The following PLCH1 variants were observed in gnomAD, a reference collection of about 807,000 sequenced individuals.
PLCH1 encodes the protein 1-phosphatidylinositol 4,5-bisphosphate phosphodiesterase eta-1.
In PLCH1, 60 loss-of-function variants were observed where a neutral mutation model predicts 126.7. The observed-to-expected ratio is 0.47, with a 90% CI of 0.38 to 0.59. The LOEUF (loss-of-function observed/expected upper bound fraction) is 0.59, where lower values mean the gene tolerates loss of function less well. PLCH1 is among the 20% of genes least tolerant of loss of function. The pLI is 0.00. For synonymous variants in PLCH1, 719 were observed against 734.9 expected (o/e 0.98, Z 0.35); for missense variants, 1,723 against 2,040.0 (o/e 0.84, Z 2.99).
chr3:155,714,821 A>G (rs1747390846), intron 1 of PLCH1, among the ~76,000 whole-genome samples: 1 of 152,164 alleles, frequency 6.6e-6, no homozygotes, highest in Admixed American at 6.6e-5. Flanking sequence ...TTTTACATGT[A>G]TGTTCCCAAG....
At chr3:155,665,273 G>A (rs1742599721) in intron 2 of PLCH1, among the ~76,000 whole-genome samples, 1 of 152,144 alleles carries the variant, frequency 6.6e-6, no homozygotes, top group Non-Finnish European at 1.5e-5. Flanking sequence ...TAAGAAATGT[G>A]TATTAAGCCA....
intron 10 of PLCH1, among the ~76,000 whole-genome samples, chr3:155,532,234 G>T (rs887025021): frequency 6.6e-6 from 1 of 152,140 alleles, no homozygotes. Flanking sequence ...GTGAAGACTC[G>T]CATCGTGAAC....
At chr3:155,542,722 C>T (rs931770058) in intron 10 of PLCH1, among the ~76,000 whole-genome samples, 4 of 152,334 alleles carry the variant, frequency 2.6e-5, no homozygotes, top group African/African-American at 9.6e-5. Flanking sequence ...GCAGCATTTG[C>T]GGTTCACGAA....
chr3:155,543,660 G>A (rs1310601152), intron 10 of PLCH1, among the ~76,000 whole-genome samples: 1 of 152,080 alleles, frequency 6.6e-6, no homozygotes. Context: ...TACCCACAAA[G>A]GGAAGCCCAT....
intron 14 of PLCH1, among the ~76,000 whole-genome samples, chr3:155,499,092 C>T (rs73154231): frequency 0.15 from 23,449 of 152,124 alleles, 2,347 homozygotes; most frequent in African/African-American, 0.29. Context: ...TCTGCCTTTT[C>T]GGTTATAAGT....
chr3:155,686,492 G>A (rs1329250099), intron 2 of PLCH1, among the ~76,000 whole-genome samples: 2 of 152,162 alleles, frequency 1.3e-5, no homozygotes, highest in Non-Finnish European at 2.9e-5. Flanking sequence ...TGAGACCAAG[G>A]AATTTTTGAA....
chr3:155,647,777 T>A (rs191566654), intron 2 of PLCH1, among the ~76,000 whole-genome samples: 1 of 152,262 alleles, frequency 6.6e-6, no homozygotes, highest in Admixed American at 6.5e-5. Context: ...TAAAACAAAG[T>A]AAATATCATT....
chr3:155,655,185 C>T (rs1448354242), intron 2 of PLCH1, among the ~76,000 whole-genome samples: 1 of 152,156 alleles, frequency 6.6e-6, no homozygotes, highest in Non-Finnish European at 1.5e-5. Context: ...CCTGTAATCT[C>T]AGCACTCTGG....
intron 2 of PLCH1, among the ~76,000 whole-genome samples, chr3:155,662,784 C>A (rs903030754): frequency 6.6e-6 from 1 of 152,146 alleles, no homozygotes; most frequent in Non-Finnish European, 1.5e-5. Flanking sequence ...CATCCCTCAG[C>A]CTCCAAGTAG....
chr3:155,641,825 CA>C (rs542874420), intron 2 of PLCH1, among the ~76,000 whole-genome samples: 1 of 151,522 alleles, frequency 6.6e-6, no homozygotes, highest in South Asian at 2.1e-4. Context: ...ACTAAAACCT[CA>C]AAAAAAACCC....
rs1734872733 is a variant in PLCH1, at chr3:155,610,279, T to C, written c.80-13901A>G. Among the ~76,000 whole-genome samples the C allele has an allele frequency of 4.1e-5, 6 of 146,902 alleles. No homozygotes were observed. The South Asian group carries it at 1.3e-3, about 32-fold the overall frequency. On this transcript the variant is annotated intron_variant, in intron 2 of 22. Coordinates refer to ENST00000460012, the MANE Select transcript of PLCH1 (RefSeq NM_014996.4). ...AGGAGACTGAGGCAGGAGAATCGCT[T>C]GAACCTGGGAGGCAGAGGTTGCGGT...
intron 2 of PLCH1, among the ~76,000 whole-genome samples, chr3:155,611,607 G>A (rs1036068769): frequency 1.2e-4 from 18 of 151,996 alleles, no homozygotes; most frequent in Non-Finnish European, 1.9e-4. Flanking sequence ...CACTAGACAG[G>A]TCATCAAGAC....
intron 2 of PLCH1, among the ~76,000 whole-genome samples, chr3:155,687,181 A>T (rs555002598): frequency 6.6e-6 from 1 of 152,230 alleles, no homozygotes; most frequent in African/African-American, 2.4e-5. Context: ...CAATAAATTT[A>T]TCAATGAGAG....
At chr3:155,583,134 T>TA (rs1730928278) in intron 6 of PLCH1, among the ~76,000 whole-genome samples, 1 of 150,326 alleles carries the variant, frequency 6.7e-6, no homozygotes, top group African/African-American at 2.4e-5. Flanking sequence ...ATATATAGTA[T>TA]AAATTTAAAC....
At chr3:155,736,570 C>A (rs1357107025) in intron 1 of PLCH1, among the ~76,000 whole-genome samples, 1 of 152,220 alleles carries the variant, frequency 6.6e-6, no homozygotes, top group African/African-American at 2.4e-5. Context: ...TCAGACGAGT[C>A]TGATTCCCAC....
chr3:155,594,340 G>A (rs1250186599), intron 3 of PLCH1, among the ~76,000 whole-genome samples, 156 bp from the exon 4 acceptor site: 2 of 152,112 alleles, frequency 1.3e-5, no homozygotes, highest in African/African-American at 4.8e-5. Context: ...GGAGGTCGAG[G>A]TGGACAGATT....
intron 21 of PLCH1, among the ~76,000 whole-genome samples, chr3:155,469,555 A>C (rs375182887): frequency 1.3e-5 from 2 of 152,040 alleles, no homozygotes. Context: ...CAGGAAGCTC[A>C]AACTGGGTGG....
rs189066133 is a variant in PLCH1 at position 155,481,058 on chromosome 3, G to A, written c.4968C>T (p.His1656=). Residue 1656 remains histidine (H), a synonymous_variant, in exon 23 of 23, where the codon CAC becomes CAT. Coordinates refer to ENST00000460012, the MANE Select transcript of PLCH1 (RefSeq NM_014996.4). The surrounding 1 kb of genome is among the most constrained non-coding windows in gnomAD (Gnocchi z 4.2). ...AATTATCTGAACAAAACTGGTCAAC[G>A]TGGCCATAGTGAAGAGCCGTGCATG... The part of the protein sequence containing the change: ...EGACTALHYG[H]VDQFCSDNSV... 4.6e-5 allele frequency: 75 copies of A among 1,613,862 alleles called. No homozygotes were observed. The highest frequency in any genetic ancestry group is 5.8e-5 in the Non-Finnish European group (68 of 1,179,748).
intron 10 of PLCH1, among the ~76,000 whole-genome samples, chr3:155,524,734 G>C (rs1051713142): frequency 6.6e-6 from 1 of 152,064 alleles, no homozygotes; most frequent in African/African-American, 2.4e-5. Flanking sequence ...TTGGAACCTG[G>C]AGCCAGGCCC....
Sources: allele counts gnomAD v4.1 joint callset (sites outside exome capture counted in the v4.1 genomes callset), GRCh38; gene constraint gnomAD v4.1.1; non-coding constraint Gnocchi (gnomAD v3.1); transcripts MANE v1.5; gene names NCBI Gene and HGNC (gene_info 2026-07-23, HGNC 2026-07-21).